The following SPAM1 variants were observed in gnomAD, a reference collection of about 807,000 sequenced individuals.
SPAM1 encodes the protein hyaluronidase PH-20.
A neutral mutation model predicts 29.6 loss-of-function variants in SPAM1; 22 were observed. The ratio of observed to expected loss-of-function variants is 0.74; its 90% confidence interval spans 0.53 to 1.06. The LOEUF is 1.06. Among genes scored for constraint, SPAM1 ranks in the 50% least tolerant of loss-of-function variants. The pLI is 0.00. For missense variants in SPAM1, 534 were observed against 604.0 expected, an observed-to-expected ratio of 0.88 and a Z score of 1.21; for synonymous variants, 194 against 204.6, an observed-to-expected ratio of 0.95 and a Z score of 0.44.
At chr7:123,957,691 G>A (rs534711688) in intron 4 of SPAM1, among the ~76,000 whole-genome samples, 1 of 151,960 alleles carries the variant, frequency 6.6e-6, no homozygotes, top group Non-Finnish European at 1.5e-5. Flanking sequence ...GTGACAGCAG[G>A]GCTGAATTCC....
At position 123,954,208 on chromosome 7, in the gene SPAM1, AT is replaced by A; in HGVS notation, c.639del (p.His214ThrfsTer28). 3 of 1,613,600 alleles carry A rather than the reference AT, an allele frequency of 1.9e-6. No individual in the cohort carries two copies. Among genetic ancestry groups the A allele is most frequent in the Non-Finnish European group, 1.7e-6 (2 of 1,179,738 alleles). ...AAATTGGGAAAATTACTTCGGCCAA[AT>A]CACTTGTGGGGTTATTATCTTTTTC... ...TIKLGKLLRPNHLWGYYLFPD... is the reference protein window; with the variant it reads ...TIKLGKLLRPXHLWGYYLFPD... On this transcript the variant is annotated frameshift_variant, in exon 3 of 5. Coordinates refer to ENST00000682466, the MANE Select transcript of SPAM1 (RefSeq NM_153189.3). LOFTEE classifies it high-confidence loss of function.
intron 5 of SPAM1, among the ~76,000 whole-genome samples, chr7:123,967,948 G>A (rs574424410): frequency 3.2e-4 from 48 of 152,060 alleles, no homozygotes; most frequent in Non-Finnish European, 5.2e-4. Context: ...GAAAGTATTA[G>A]GGATAGAGAG....
intron 1 of SPAM1, among the ~76,000 whole-genome samples, chr7:123,929,894 G>GGTTTTTTTTTTT (rs1808013640): frequency 8.0e-6 from 1 of 124,708 alleles, no homozygotes; most frequent in Non-Finnish European, 1.8e-5. Flanking sequence ...GGTGTTTAGG[G>GGTTTTTTTTTTT]ATTTTTTTTT....
intron 1 of SPAM1, among the ~76,000 whole-genome samples, chr7:123,938,404 G>A (rs781208771): frequency 1.2e-4 from 19 of 152,176 alleles, no homozygotes; most frequent in Non-Finnish European, 2.2e-4. Context: ...CATCCTAAGT[G>A]CTCCATTTAG....
At chr7:123,971,395 T>TGGTTTTGATCAAAAATAAATTTC (rs1792497086) in exon 7 of SPAM1, 1 of 152,046 alleles carries the variant, frequency 6.6e-6, no homozygotes, top group Non-Finnish European at 1.5e-5. Flanking sequence ...AAATAAATTT[T>TGGTTTTGATCAAAAATAAATTTC]GGTTTTGCTC....
At chr7:123,925,908 GAAT>G (rs1293414626) in intron 1 of SPAM1, 1 of 152,174 alleles carries the variant, frequency 6.6e-6, no homozygotes, top group African/African-American at 2.4e-5. Flanking sequence ...TAAGAATACT[GAAT>G]TTGCCAATTA....
intron 1 of SPAM1, among the ~76,000 whole-genome samples, chr7:123,929,988 G>GT (rs1554427475): frequency 6.6e-6 from 1 of 150,564 alleles, no homozygotes; most frequent in Non-Finnish European, 1.5e-5. Context: ...GGAGAGAAAC[G>GT]TAAGTCAGGG....
chr7:123,957,128 G>T (rs1056096666), intron 4 of SPAM1, among the ~76,000 whole-genome samples: 5 of 151,902 alleles, frequency 3.3e-5, no homozygotes, highest in Admixed American at 2.6e-4. Flanking sequence ...GAAGAATATT[G>T]ACAAAGTCTA....
chr7:123,965,460 T>C (rs572872076), intron 5 of SPAM1, among the ~76,000 whole-genome samples: 1 of 152,168 alleles, frequency 6.6e-6, no homozygotes, highest in South Asian at 2.1e-4. Flanking sequence ...CTTTAATTCA[T>C]CTTAAGTTAA....
downstream of SPAM1, among the ~76,000 whole-genome samples, chr7:123,961,910 G>A (rs4301381): frequency 0.35 from 52,489 of 151,770 alleles, 10,770 homozygotes; most frequent in African/African-American, 0.57. Flanking sequence ...AAATCATCAG[G>A]TCTTGAGAGA....
chr7:123,965,907 A>G (rs1211750441), intron 5 of SPAM1, among the ~76,000 whole-genome samples: 1 of 151,880 alleles, frequency 6.6e-6, no homozygotes, highest in Admixed American at 6.6e-5. Flanking sequence ...TGGCCATTTT[A>G]ACAATATTGA....
chr7:123,937,327 C>A (rs2402678), intron 1 of SPAM1, among the ~76,000 whole-genome samples: 2 of 152,004 alleles, frequency 1.3e-5, no homozygotes, highest in African/African-American at 2.4e-5. Context: ...TCAGGCCGGG[C>A]GCGGTGGCTC....
rs927033733 is a variant in SPAM1 at position 123,949,393 on chromosome 7, T to G, written c.-318-479T>G. On this transcript the variant is annotated intron_variant, in intron 1 of 4. Transcript: ENST00000682466. ...TTGAATATTTTTAATTCCTTAAGCA[T>G]GCACTTACATGTTTTTGTATACTTC... 5.3e-5 allele frequency among the ~76,000 whole-genome samples: 8 copies of G among 152,178 alleles called. No homozygotes were observed. The South Asian group carries it at 1.7e-3, about 31-fold the overall frequency.
chr7:123,945,952 A>G (rs1274048906), intron 1 of SPAM1, among the ~76,000 whole-genome samples: 1 of 152,274 alleles, frequency 6.6e-6, no homozygotes, highest in Middle Eastern at 3.4e-3. Flanking sequence ...AGAACAAACA[A>G]CAAAAAACCC....
rs1178898555 is a variant in SPAM1 at position 123,953,802 on chromosome 7, A to G, written c.232A>G (p.Ser78Gly). ...LDMSLFSFIGSPRINATGQGV... is the reference protein window; with the variant it reads ...LDMSLFSFIGGPRINATGQGV... Reference sequence around the variant, plus strand: ...TATGAGCCTCTTCTCTTTCATAGGAAGCCCCCGAATAAACGCCACCGGGCA... The same window carrying G: ...TATGAGCCTCTTCTCTTTCATAGGAGGCCCCCGAATAAACGCCACCGGGCA... Residue 78 changes from serine to glycine, a missense_variant, in exon 3 of 5, where the codon AGC (serine) becomes GGC (glycine). By Grantham distance (56) the Ser-to-Gly change is moderately conservative (BLOSUM62 0). Coordinates refer to ENST00000682466, the MANE Select transcript of SPAM1 (RefSeq NM_153189.3). The G allele has an allele frequency of 1.2e-6, 2 of 1,612,418 alleles. No individual in the cohort carries two copies. Among genetic ancestry groups the G allele is most frequent in the African/African-American group, 1.3e-5 (1 of 74,776 alleles).
chr7:123,941,267 G>A (rs73226195), intron 1 of SPAM1, among the ~76,000 whole-genome samples: 4,022 of 152,288 alleles, frequency 0.026, 59 homozygotes, highest in Middle Eastern at 0.078. Flanking sequence ...AGCCTCAGGA[G>A]GTCCTGACAA....
At chr7:123,964,125 G>A (rs1333096707), downstream of SPAM1, among the ~76,000 whole-genome samples, 1 of 151,784 alleles carries the variant, frequency 6.6e-6, no homozygotes, top group African/African-American at 2.4e-5. Context: ...TAAGCACTAT[G>A]TGCCATTTTT....
At chr7:123,963,220 A>G (rs952488647), downstream of SPAM1, among the ~76,000 whole-genome samples, 1 of 151,918 alleles carries the variant, frequency 6.6e-6, no homozygotes, top group African/African-American at 2.4e-5. Flanking sequence ...ATAGAGATGA[A>G]CAACACTGGT....
chr7:123,955,657 A>G (rs997597015), intron 4 of SPAM1, among the ~76,000 whole-genome samples: 1 of 152,034 alleles, frequency 6.6e-6, no homozygotes, highest in Non-Finnish European at 1.5e-5. Context: ...TTTGAGAAGC[A>G]TTATATTCAT....
Sources: allele counts gnomAD v4.1 joint callset (sites outside exome capture counted in the v4.1 genomes callset), GRCh38; gene constraint gnomAD v4.1.1; transcripts MANE v1.5; gene names NCBI Gene and HGNC (gene_info 2026-07-23, HGNC 2026-07-21).